TRIM44: variants seen among roughly 807,000 people sequenced by gnomAD.
The protein encoded by TRIM44 is tripartite motif containing 44, also known as tripartite motif-containing protein 44.
Under a neutral mutation model 37.4 loss-of-function variants are expected in TRIM44, and 13 were observed. The observed-to-expected ratio is 0.35, with a 90% CI of 0.23 to 0.55. TRIM44 has a LOEUF of 0.55. Among genes scored for constraint, TRIM44 ranks in the 20% least tolerant of loss-of-function variants. The probability of loss-of-function intolerance (pLI) is 0.89; values close to 1 mark genes in which losing one functional copy is unlikely to be tolerated. For missense variants in TRIM44, 426 were observed against 437.2 expected (o/e 0.97, Z 0.23); for synonymous variants, 175 against 157.2 (o/e 1.11, Z -0.85).
chr11:35,719,172 G>T (rs986233039), intron 2 of TRIM44, among the ~76,000 whole-genome samples: 1 of 152,124 alleles, frequency 6.6e-6, no homozygotes, highest in African/African-American at 2.4e-5. Context: ...TGTCTTCCAA[G>T]TGGCCTTACC....
intron 1 of TRIM44, among the ~76,000 whole-genome samples, chr11:35,674,823 G>A (rs1851441006): frequency 6.6e-6 from 1 of 152,182 alleles, no homozygotes; most frequent in African/African-American, 2.4e-5. Flanking sequence ...TTATTTGTGT[G>A]TATTAGAGAA....
chr11:35,800,680 G>A (rs915548970), intron 4 of TRIM44, among the ~76,000 whole-genome samples: 1 of 152,204 alleles, frequency 6.6e-6, no homozygotes, highest in African/African-American at 2.4e-5. Context: ...GAGGTGAAAG[G>A]ACTTGGAACA....
At chr11:35,752,099 G>A (rs1324231889) in intron 4 of TRIM44, among the ~76,000 whole-genome samples, 1 of 151,462 alleles carries the variant, frequency 6.6e-6, no homozygotes. Context: ...TTCTTAGTAA[G>A]TGGCATTATT....
Position 35,806,586 on chromosome 11 carries a change from T to G in TRIM44, c.*201T>G. On this transcript the variant is annotated 3_prime_UTR_variant, in exon 5 of 5. Transcript: ENST00000299413. ...TACTGTGTGCTTCTCATCCCCTGGT[T>G]GTGGTAGGTCAAGGAAAAGAGCCCC... The G allele has an allele frequency of 1.7e-6, 1 of 585,476 alleles. No homozygotes were observed. The highest frequency in any genetic ancestry group is 3.0e-6 in the Non-Finnish European group (1 of 329,688). The allele number at this position is 585,476 out of a possible 1,614,324, so 36.3% of individuals were successfully genotyped here. A position where few individuals can be genotyped will look rare whatever the true frequency, so the allele number is the denominator to read the frequency against.
intron 1 of TRIM44, among the ~76,000 whole-genome samples, chr11:35,665,597 T>TG (rs1851322677): frequency 1.4e-5 from 2 of 138,184 alleles, no homozygotes; most frequent in African/African-American, 2.7e-5. Flanking sequence ...TTTTTTTTTT[T>TG]TTTTTTTTTT....
intron 4 of TRIM44, among the ~76,000 whole-genome samples, chr11:35,789,654 A>T (rs752034): frequency 0.16 from 24,274 of 152,054 alleles, 2,184 homozygotes; most frequent in Admixed American, 0.3. Context: ...ACAGCAGGGA[A>T]CCTTGTCATC....
In TRIM44 at chr11:35,800,062, C is replaced by T. The variant is rs200188802; in HGVS notation, c.1008-6296C>T. Among the ~76,000 whole-genome samples, 80 of 7,050 alleles carry T rather than the reference C, an allele frequency of 0.011. No individual in the cohort carries two copies. The East Asian group carries it at 0.49, about 43-fold the overall frequency. 4.6% of individuals were successfully genotyped at this position (7,050 alleles called of 152,430 possible). A position where few individuals can be genotyped will look rare whatever the true frequency, so the allele number is the denominator to read the frequency against. The stretch of plus-strand genomic sequence containing the variant: ...ATTCCTTCCAGTGGGTTCTTGATCT[C>T]GCTGACTTTCAAGAATGAAGCCGCG... On this transcript the variant is annotated intron_variant, in intron 4 of 4. Transcript: ENST00000299413.
At chr11:35,759,769 C>G (rs900960114) in intron 4 of TRIM44, among the ~76,000 whole-genome samples, 1 of 152,186 alleles carries the variant, frequency 6.6e-6, no homozygotes, top group East Asian at 1.9e-4. Context: ...CACTCCAGAC[C>G]CTGTTTGCCT....
Position 35,662,887 on chromosome 11 carries a change from G to C in TRIM44, c.-225G>C, listed in dbSNP as rs1009377706. On this transcript the variant is annotated 5_prime_UTR_variant, in exon 1 of 5. Coordinates refer to ENST00000299413, the MANE Select transcript of TRIM44 (RefSeq NM_017583.6). ...GGAAGTGCCTTGCGCGGCAGAGGAA[G>C]CGCAGGGACAGAGCGGAGCAGGCCG... The C allele has an allele frequency of 1.9e-5, 12 of 628,222 alleles. No homozygotes were observed. Among genetic ancestry groups the C allele is most frequent in the African/African-American group, 1.9e-4 (10 of 52,594 alleles). The allele number at this position is 628,222 out of a possible 1,614,324, so 38.9% of individuals were successfully genotyped here.
chr11:35,685,291 G>A lies in TRIM44; in HGVS notation c.702G>A (p.Met234Ile), dbSNP rs768794372. The A allele has an allele frequency of 6.2e-7, 1 of 1,614,240 alleles. No individual in the cohort carries two copies. The highest frequency in any genetic ancestry group is 1.7e-5 in the Admixed American group (1 of 60,036). The change falls in exon 2 of 5, where the codon ATG (methionine) becomes ATA (isoleucine). Residue 234 changes from methionine (M) to isoleucine (I), a missense_variant. Coordinates refer to ENST00000299413, the MANE Select transcript of TRIM44 (RefSeq NM_017583.6). ...ACTCAGGTGGACTGAAGGCCGCTAT[G>A]ATCGAATTGGTGGAAAGGTTGAAGT... ...SKDSGGLKAAMIELVERLKFK... is the reference protein window; with the variant it reads ...SKDSGGLKAAIIELVERLKFK...
intron 1 of TRIM44, among the ~76,000 whole-genome samples, chr11:35,671,418 T>G (rs1212173366): frequency 1.3e-5 from 2 of 152,246 alleles, no homozygotes; most frequent in African/African-American, 2.4e-5. Context: ...ATTAAGAGAC[T>G]TTAACAATGC....
chr11:35,767,953 G>T (rs1019637724), intron 4 of TRIM44, among the ~76,000 whole-genome samples: 1 of 152,192 alleles, frequency 6.6e-6, no homozygotes. Flanking sequence ...TAATCAGAAG[G>T]TTAGGGGGAC....
chr11:35,784,973 C>T (rs1853110925), intron 4 of TRIM44, among the ~76,000 whole-genome samples: 1 of 152,174 alleles, frequency 6.6e-6, no homozygotes, highest in Non-Finnish European at 1.5e-5. Flanking sequence ...TATCTCAAAT[C>T]TATCTAGAAA....
At chr11:35,795,935 T>TAAAAG (rs1214459003) in intron 4 of TRIM44, among the ~76,000 whole-genome samples, 1 of 152,214 alleles carries the variant, frequency 6.6e-6, no homozygotes, top group African/African-American at 2.4e-5. Flanking sequence ...AACCACTTCA[T>TAAAAG]ATACATTAAT....
intron 2 of TRIM44, among the ~76,000 whole-genome samples, chr11:35,701,214 T>C (rs556557342): frequency 1.3e-5 from 2 of 152,314 alleles, no homozygotes; most frequent in African/African-American, 4.8e-5. Context: ...TTTGGGTAGA[T>C]CTATCCATTT....
chr11:35,735,704 C>T (rs1225428226), intron 4 of TRIM44, among the ~76,000 whole-genome samples: 2 of 152,068 alleles, frequency 1.3e-5, no homozygotes, highest in Admixed American at 6.6e-5. Flanking sequence ...GAAGAATAGG[C>T]ACTACATTTA....
rs1248932408 is a variant in TRIM44, at chr11:35,781,893, G to T, written c.1008-24465G>T. On this transcript the variant is annotated intron_variant, in intron 4 of 4. Coordinates refer to ENST00000299413, the MANE Select transcript of TRIM44 (RefSeq NM_017583.6). ...AGTAACGGGAACTAGAAAGCTGTTT[G>T]TAGTGTTTTAAAGATAAAAGTGAAT... Among the ~76,000 whole-genome samples the T allele has an allele frequency of 5.9e-5, 9 of 152,192 alleles. No individual in the cohort carries two copies. In the East Asian group the frequency reaches 1.3e-3, roughly 23 times the overall value.
chr11:35,730,571 A>T (rs1404486055), intron 3 of TRIM44, among the ~76,000 whole-genome samples: 1 of 152,156 alleles, frequency 6.6e-6, no homozygotes. Flanking sequence ...ATGACAAAGA[A>T]AAAAAATCTT....
intron 4 of TRIM44, among the ~76,000 whole-genome samples, chr11:35,763,872 G>A (rs1852759377): frequency 6.6e-6 from 1 of 152,156 alleles, no homozygotes; most frequent in Non-Finnish European, 1.5e-5. Flanking sequence ...AGGGCCTGGA[G>A]GTCGTGGAAC....
Sources: gnomAD v4.1 joint callset for allele counts (sites outside exome capture counted in the v4.1 genomes callset) on GRCh38, gnomAD v4.1.1 for gene constraint, MANE v1.5 for transcripts, NCBI Gene and HGNC (gene_info 2026-07-23, HGNC 2026-07-21) for gene names.